Variants in NBEA observed in about 807,000 individuals in gnomAD.
NBEA encodes the protein neurobeachin, also known as lysosomal-trafficking regulator 2.
A neutral mutation model predicts 343.4 loss-of-function variants in NBEA; 44 were observed. The observed-to-expected ratio is 0.13, with a 90% confidence interval of 0.10 to 0.16. NBEA has a LOEUF of 0.16. Among genes scored for constraint, NBEA ranks in the 10% least tolerant of loss-of-function variants. NBEA has a pLI of 1.00. For synonymous variants in NBEA, 1,175 were observed against 1,238.7 expected, an observed-to-expected ratio of 0.95 and a Z score of 1.08; for missense variants, 2,555 against 3,631.3, an observed-to-expected ratio of 0.70 and a Z score of 7.62.
intron 16 of NBEA, among the ~76,000 whole-genome samples, chr13:35,121,701 A>G (rs1308117687): frequency 2.6e-5 from 4 of 152,176 alleles, no homozygotes; most frequent in Non-Finnish European, 5.9e-5. Flanking sequence ...AAAAAAAGAG[A>G]AAAAGAAGCA....
Position 35,475,360 on chromosome 13 carries a change from C to A in NBEA, c.6585+2824C>A, listed in dbSNP as rs940432551. 13 of 1,613,784 alleles carry A rather than the reference C, an allele frequency of 8.1e-6. No homozygotes were observed. The African/African-American group carries it at 1.5e-4, about 18-fold the overall frequency. ...GGGCTGGCCCGGCAGTTCAAGGTGA[C>A]GATCCCTTAAGGTTTTGAGGATGGA... On this transcript the variant is annotated intron_variant, in intron 41 of 58. Transcript: ENST00000379939.
intron 45 of NBEA, among the ~76,000 whole-genome samples, chr13:35,579,863 T>G (rs951665449): frequency 3.3e-5 from 5 of 152,110 alleles, no homozygotes; most frequent in Non-Finnish European, 7.4e-5. Context: ...TCTTTGGTCT[T>G]CAAAACAGGG....
chr13:35,214,742 T>C (rs1240226751), intron 33 of NBEA, among the ~76,000 whole-genome samples: 1 of 151,814 alleles, frequency 6.6e-6, no homozygotes, highest in Non-Finnish European at 1.5e-5. Flanking sequence ...TTGTGCCATT[T>C]GTAAATCATA....
chr13:35,597,865 C>CA (rs1178014273), intron 47 of NBEA, among the ~76,000 whole-genome samples: 2 of 152,138 alleles, frequency 1.3e-5, no homozygotes, highest in Non-Finnish European at 2.9e-5. Context: ...GAAGAGTAGA[C>CA]ACGGACTCCA....
chr13:35,317,812 G>T (rs950074235), intron 36 of NBEA, among the ~76,000 whole-genome samples: 1 of 152,050 alleles, frequency 6.6e-6, no homozygotes, highest in African/African-American at 2.4e-5. Flanking sequence ...CCTTGAAGAG[G>T]TCCTTCACAT....
intron 48 of NBEA, among the ~76,000 whole-genome samples, chr13:35,623,299 T>C (rs2083074985): frequency 6.6e-6 from 1 of 152,170 alleles, no homozygotes. Flanking sequence ...GACCGGTCAA[T>C]ACTGTTTATA....
rs2071507428 is a variant in NBEA, at chr13:35,184,034, A to C, written c.4890A>C (p.Leu1630Phe). The C allele has an allele frequency of 1.2e-6, 2 of 1,611,762 alleles. No individual in the cohort carries two copies. Among genetic ancestry groups the C allele is most frequent in the African/African-American group, 1.3e-5 (1 of 74,800 alleles). The change falls in exon 30 of 59, where the codon TTA becomes TTC. Residue 1630 changes from leucine (L) to phenylalanine (F), a missense_variant. Physicochemically the swap from Leu to Phe is conservative, Grantham distance 22. Coordinates refer to ENST00000379939, the MANE Select transcript of NBEA (RefSeq NM_001385012.1). ...PSLNHGFLAKLIPEQSFGHSF... is the reference protein window; with the variant it reads ...PSLNHGFLAKFIPEQSFGHSF... ...TGAACCATGGATTCCTTGCCAAGTTAATTCCTGAGCAGAGCTTTGGCCACT... is the reference window on the plus strand; with the variant it reads ...TGAACCATGGATTCCTTGCCAAGTTCATTCCTGAGCAGAGCTTTGGCCACT...
chr13:35,654,595 G>A (rs1337097195), intron 53 of NBEA, among the ~76,000 whole-genome samples: 2 of 152,096 alleles, frequency 1.3e-5, no homozygotes, highest in Non-Finnish European at 2.9e-5. Flanking sequence ...TAAATTAATT[G>A]TCTTGAATTC....
At chr13:35,444,501 C>T (rs1466469522) in intron 39 of NBEA, among the ~76,000 whole-genome samples, 1 of 151,942 alleles carries the variant, frequency 6.6e-6, no homozygotes, top group African/African-American at 2.4e-5. Flanking sequence ...CGTCAAAATA[C>T]ATTGAACAAG....
chr13:35,497,643 C>T (rs1253635934), intron 41 of NBEA, among the ~76,000 whole-genome samples: 1 of 151,942 alleles, frequency 6.6e-6, no homozygotes, highest in Non-Finnish European at 1.5e-5. Context: ...ACACTTGACC[C>T]ATCAATTTAG....
chr13:35,646,054 C>A, intron 50 of NBEA, 123 bp downstream of exon 50: 1 of 728,388 alleles, frequency 1.4e-6, no homozygotes, highest in Non-Finnish European at 2.3e-6. Flanking sequence ...ACTGGGTTAA[C>A]TGAAGCATGT....
At chr13:35,024,173 T>TA (rs1398695066) in intron 1 of NBEA, among the ~76,000 whole-genome samples, 4 of 147,832 alleles carry the variant, frequency 2.7e-5, no homozygotes, top group Non-Finnish European at 4.6e-5. Context: ...AGGATGTGAT[T>TA]TTTTTTTGTT....
chr13:34,981,860 A>T (rs939324941), intron 1 of NBEA, among the ~76,000 whole-genome samples: 2 of 151,888 alleles, frequency 1.3e-5, no homozygotes, highest in African/African-American at 4.8e-5. Context: ...ATTTGTTAGC[A>T]CACTGTTCAT....
At chr13:35,303,179 A>C (rs1042444172) in intron 35 of NBEA, among the ~76,000 whole-genome samples, 1 of 152,240 alleles carries the variant, frequency 6.6e-6, no homozygotes, top group East Asian at 1.9e-4. Context: ...ATACTTTTTC[A>C]TGTCTTCATG....
chr13:35,013,762 C>G (rs962768126), intron 1 of NBEA, among the ~76,000 whole-genome samples: 1 of 152,174 alleles, frequency 6.6e-6, no homozygotes, highest in Non-Finnish European at 1.5e-5. Flanking sequence ...AGCCACTGTG[C>G]CCTGCCTAAA....
At chr13:35,305,898 C>T (rs1232791326) in intron 35 of NBEA, among the ~76,000 whole-genome samples, 1 of 152,134 alleles carries the variant, frequency 6.6e-6, no homozygotes, top group Non-Finnish European at 1.5e-5. Flanking sequence ...TCATATGTTA[C>T]TGATAGTTTG....
At chr13:35,119,650 A>G (rs1202177052) in intron 16 of NBEA, among the ~76,000 whole-genome samples, 1 of 152,122 alleles carries the variant, frequency 6.6e-6, no homozygotes, top group South Asian at 2.1e-4. Context: ...CAGTGGCGCA[A>G]TCTCAGCTCA....
intron 30 of NBEA, among the ~76,000 whole-genome samples, chr13:35,195,594 G>A (rs1364516382): frequency 1.3e-5 from 2 of 151,548 alleles, no homozygotes; most frequent in East Asian, 2.0e-4. Context: ...ACGGGGTTTC[G>A]CCATGTTGGC....
At chr13:34,992,012 C>T (rs766739202) in intron 1 of NBEA, among the ~76,000 whole-genome samples, 2 of 148,362 alleles carry the variant, frequency 1.3e-5, no homozygotes, top group Non-Finnish European at 3.0e-5. Context: ...AGTAGTCATT[C>T]AGTCATTGTT....
Sources: allele counts gnomAD v4.1 joint callset (sites outside exome capture counted in the v4.1 genomes callset), GRCh38; gene constraint gnomAD v4.1.1; transcripts MANE v1.5; gene names NCBI Gene and HGNC (gene_info 2026-07-23, HGNC 2026-07-21).